BID: variants seen among roughly 807,000 people sequenced by gnomAD.
The protein encoded by BID is BH3-interacting domain death agonist.
In BID, 19 loss-of-function variants were observed where a neutral mutation model predicts 17.4. The observed-to-expected ratio is 1.09, with a 90% CI of 0.76 to 1.60. The LOEUF (loss-of-function observed/expected upper bound fraction) is 1.60. BID is among the 40% of genes most tolerant of loss of function. The pLI is 0.00. For missense variants in BID, 226 were observed against 256.0 expected (o/e 0.88, Z 0.80); for synonymous variants, 108 against 102.8 (o/e 1.05, Z -0.31).
At chr22:17,739,142 A>G (rs2043356270) in intron 4 of BID, among the ~76,000 whole-genome samples, 1 of 151,284 alleles carries the variant, frequency 6.6e-6, no homozygotes, top group Admixed American at 6.6e-5. Context: ...ACTCTGATTT[A>G]AGGTTCAGGT....
Position 17,769,453 on chromosome 22 carries a change from C to T in BID, c.-59+4928G>A, listed in dbSNP as rs1489751554. Among the ~76,000 whole-genome samples the T allele has an allele frequency of 6.6e-6, 1 of 152,212 alleles. No individual in the cohort carries two copies. The highest frequency in any genetic ancestry group is 1.5e-5 in the Non-Finnish European group (1 of 68,036). ...TTCTCACAGCCAGGCCCCATCTCTC[C>T]CTGCCTGGATTTCAGGGGAAGTGGG... On this transcript the variant is annotated intron_variant, in intron 1 of 5. Transcript: ENST00000622694. This position sits in a 1 kb window ranked among gnomAD's most constrained non-coding sequence, Gnocchi z 4.8.
intron 1 of BID, among the ~76,000 whole-genome samples, chr22:17,756,299 G>A (rs868323097): frequency 6.6e-6 from 1 of 152,222 alleles, no homozygotes; most frequent in East Asian, 1.9e-4. Flanking sequence ...CTGGAAATGC[G>A]TTGACAAACT....
chr22:17,749,365 G>C (rs964809351), intron 2 of BID, among the ~76,000 whole-genome samples: 9 of 152,158 alleles, frequency 5.9e-5, no homozygotes, highest in Non-Finnish European at 8.8e-5. Flanking sequence ...TTATAAAGAC[G>C]GGGTCTTACT....
chr22:17,772,541 C>T (rs900389067), intron 1 of BID, among the ~76,000 whole-genome samples: 4 of 152,348 alleles, frequency 2.6e-5, no homozygotes, highest in East Asian at 1.9e-4. Context: ...TCGGTCACGT[C>T]GAGGACCTGC....
chr22:17,739,666 G>T, intron 3 of BID, 178 bp from the exon 4 acceptor site: 1 of 835,572 alleles, frequency 1.2e-6, no homozygotes, highest in Non-Finnish European at 1.8e-6. Flanking sequence ...CCAGCGCTGA[G>T]CTGGGTTCTG....
intron 4 of BID, 112 bp downstream of exon 4, chr22:17,739,237 G>C (rs1162560513): frequency 3.7e-6 from 5 of 1,349,336 alleles, no homozygotes; most frequent in Non-Finnish European, 4.9e-6. Context: ...TTCTGGACCT[G>C]ACAGTCACGA....
chr22:17,740,320 T>C (rs1280839049), intron 3 of BID: 1 of 715,902 alleles, frequency 1.4e-6, no homozygotes, highest in Non-Finnish European at 2.4e-6. Context: ...ATGCCTGTAA[T>C]CCCAGTGCTT....
At chr22:17,754,368 G>A (rs1330538505) in intron 1 of BID, among the ~76,000 whole-genome samples, 2 of 152,280 alleles carry the variant, frequency 1.3e-5, no homozygotes, top group East Asian at 3.8e-4. Flanking sequence ...GCCTCGCCAG[G>A]AAGGCGCTTC....
Position 17,769,331 on chromosome 22 carries a change from T to C in BID, c.-59+5050A>G, listed in dbSNP as rs1010216668. 1.3e-4 allele frequency among the ~76,000 whole-genome samples: 20 copies of C among 152,332 alleles called. No homozygotes were observed. Among genetic ancestry groups the C allele is most frequent in the African/African-American group, 4.8e-4 (20 of 41,592 alleles). On this transcript the variant is annotated intron_variant, in intron 1 of 5. Transcript: ENST00000622694. This position sits in a 1 kb window ranked among gnomAD's most constrained non-coding sequence, Gnocchi z 4.8. ...GCCCCTAGCTGGGCTCCCTGCTCAGTTGGCCGGGTTTGGGGCTGGATGTCT... is the reference window on the plus strand; with the variant it reads ...GCCCCTAGCTGGGCTCCCTGCTCAGCTGGCCGGGTTTGGGGCTGGATGTCT...
intron 1 of BID, among the ~76,000 whole-genome samples, chr22:17,771,441 C>G (rs957130028): frequency 8.6e-5 from 13 of 151,090 alleles, no homozygotes; most frequent in African/African-American, 3.2e-4. Context: ...CCCACCCTGG[C>G]CAAGCTGATA....
At chr22:17,745,024 C>A (rs1240717709) in intron 2 of BID, among the ~76,000 whole-genome samples, 1 of 152,134 alleles carries the variant, frequency 6.6e-6, no homozygotes, top group African/African-American at 2.4e-5. Flanking sequence ...TTTTAGAGGA[C>A]AGTTCTTACA....
chr22:17,764,541 T>C (rs1183566397), intron 1 of BID, among the ~76,000 whole-genome samples: 1 of 152,234 alleles, frequency 6.6e-6, no homozygotes, highest in African/African-American at 2.4e-5. Flanking sequence ...ATACAGTGAA[T>C]CGGATGAAGC....
At chr22:17,761,263 C>A (rs2061636291) in intron 1 of BID, among the ~76,000 whole-genome samples, 1 of 152,094 alleles carries the variant, frequency 6.6e-6, no homozygotes, top group Admixed American at 6.6e-5. Context: ...TATCCATTAA[C>A]AAAACAAACC....
At chr22:17,738,298 G>C in intron 4 of BID, 69 bp from the exon 5 acceptor site, 1 of 1,429,792 alleles carries the variant, frequency 7.0e-7, no homozygotes, top group Non-Finnish European at 9.6e-7. Context: ...ACAGTCCCCA[G>C]TATGAAGAAG....
At chr22:17,761,038 C>T (rs1229976068) in intron 1 of BID, among the ~76,000 whole-genome samples, 1 of 152,192 alleles carries the variant, frequency 6.6e-6, no homozygotes, top group African/African-American at 2.4e-5. Context: ...CTGTGGCCAG[C>T]GTCTCTTGTG....
chr22:17,744,088 C>G, intron 2 of BID, 75 bp from the exon 3 acceptor site: 1 of 1,361,536 alleles, frequency 7.3e-7, no homozygotes, highest in Non-Finnish European at 1.0e-6. Flanking sequence ...GCTCCAGTTG[C>G]AGCTGGCCCA....
chr22:17,745,113 T>G (rs2061486827), intron 2 of BID, among the ~76,000 whole-genome samples: 3 of 151,856 alleles, frequency 2.0e-5, no homozygotes, highest in African/African-American at 7.3e-5. Context: ...TGCAGTGGTG[T>G]GATCTCGGCT....
In BID at chr22:17,750,108, A is replaced by C. The variant is rs1313841544; in HGVS notation, c.9T>G (p.Cys3Trp). MD[C>W]EVNNGSSLRD... ...CGCAGGGGATCTGGCCTCTGACCTC[A>C]CAGTCCATGGCCTGGGCAGCGCGGC... Residue 3 changes from cysteine to tryptophan, a missense_variant, in exon 2 of 6, where the codon TGT becomes TGG. Coordinates refer to ENST00000622694, the MANE Select transcript of BID (RefSeq NM_001196.4). The C allele has an allele frequency of 1.2e-6, 2 of 1,612,978 alleles. No individual in the cohort carries two copies. Among genetic ancestry groups the C allele is most frequent in the Non-Finnish European group, 1.7e-6 (2 of 1,179,838 alleles).
intron 3 of BID, chr22:17,739,707 G>C: frequency 3.2e-6 from 2 of 627,416 alleles, no homozygotes; most frequent in Non-Finnish European, 5.4e-6. Flanking sequence ...CCTCGGCTGA[G>C]GCCCAGGCTC....
Sources: allele counts gnomAD v4.1 joint callset (sites outside exome capture counted in the v4.1 genomes callset), GRCh38; gene constraint gnomAD v4.1.1; non-coding constraint Gnocchi (gnomAD v3.1); transcripts MANE v1.5; gene names NCBI Gene and HGNC (gene_info 2026-07-23, HGNC 2026-07-21).